SFMBT2: variants seen among roughly 807,000 people sequenced by gnomAD.
SFMBT2 encodes scm-like with four MBT domains protein 2.
A neutral mutation model predicts 110.1 loss-of-function variants in SFMBT2; 38 were observed. That is an observed-to-expected ratio of 0.35 (90% CI 0.27 to 0.45). The LOEUF (loss-of-function observed/expected upper bound fraction) is 0.45. SFMBT2 is among the 20% of genes least tolerant of loss of function. The pLI is 1.00. For missense variants in SFMBT2, 1,011 were observed against 1,094.9 expected (o/e 0.92, Z 1.08); for synonymous variants, 425 against 425.4 (o/e 1.00, Z 0.01).
At chr10:7,332,312 G>C (rs1843585356) in intron 4 of SFMBT2, among the ~76,000 whole-genome samples, 2 of 152,200 alleles carry the variant, frequency 1.3e-5, no homozygotes, top group Admixed American at 1.3e-4. Context: ...AATGAGAGAA[G>C]ACGCTACGAA....
rs571977966 is a variant in SFMBT2 at position 7,179,740 on chromosome 10, C to T, written c.1809-3575G>A. ...GACGAAGCACACACACGCGCTGCCA[C>T]ATCGGAGCGACGGATGAAGGGAGCG... is the stretch of plus-strand genomic sequence containing the variant. On this transcript the variant is annotated intron_variant, in intron 16 of 20. Coordinates refer to ENST00000397167, the MANE Select transcript of SFMBT2 (RefSeq NM_001387889.1). 5.9e-5 allele frequency among the ~76,000 whole-genome samples: 9 copies of T among 152,376 alleles called. No individual in the cohort carries two copies. In the East Asian group the frequency reaches 1.7e-3, roughly 29 times the overall value.
At chr10:7,176,260 T>C (rs765758030) in intron 16 of SFMBT2, 95 bp from the exon 17 acceptor site, 3 of 1,319,410 alleles carry the variant, frequency 2.3e-6, no homozygotes, top group South Asian at 2.6e-5. Flanking sequence ...AACTTCATTT[T>C]CCAATGACAA....
At chr10:7,190,183 C>T (rs1003843729) in intron 15 of SFMBT2, among the ~76,000 whole-genome samples, 1 of 151,950 alleles carries the variant, frequency 6.6e-6, no homozygotes, top group African/African-American at 2.4e-5. Context: ...AAGGCGGTAC[C>T]GGCAGTTTTG....
chr10:7,172,095 C>T lies in SFMBT2; in HGVS notation c.2215G>A (p.Glu739Lys), dbSNP rs1305633006. Residue 739 changes from glutamate (E) to lysine (K), a missense_variant, in exon 19 of 21, where the codon GAG becomes AAG. Coordinates refer to ENST00000397167, the MANE Select transcript of SFMBT2 (RefSeq NM_001387889.1). The surrounding 1 kb of genome is among the most constrained non-coding windows in gnomAD (Gnocchi z 4.6). ...GTGTCCGTCTGGTCATCCCGGAGCT[C>T]GGAGCCGGTCTCCTCACTGGCGGTG... Reference protein sequence around the residue: ...DDTASEETGSELRDDQTDTSS... With the variant: ...DDTASEETGSKLRDDQTDTSS... The T allele has an allele frequency of 1.9e-6, 3 of 1,604,478 alleles. No homozygotes were observed. The highest frequency in any genetic ancestry group is 2.6e-6 in the Non-Finnish European group (3 of 1,174,910).
At chr10:7,246,448 C>A (rs900732865) in intron 8 of SFMBT2, among the ~76,000 whole-genome samples, 2 of 150,202 alleles carry the variant, frequency 1.3e-5, no homozygotes, top group African/African-American at 4.8e-5. Context: ...AGGCCGGGTG[C>A]AGTGGCTCAC....
intron 1 of SFMBT2, among the ~76,000 whole-genome samples, chr10:7,404,739 A>G (rs11255118): frequency 0.048 from 7,354 of 152,326 alleles, 242 homozygotes; most frequent in Non-Finnish European, 0.072. Context: ...ATAACCTGAG[A>G]GACCCTAACC....
intron 12 of SFMBT2, chr10:7,204,350 G>A (rs772723741): frequency 1.2e-5 from 12 of 985,278 alleles, no homozygotes; most frequent in African/African-American, 1.7e-5. Flanking sequence ...AGAGTCTACA[G>A]AAGTGGCCAC....
chr10:7,220,433 C>G lies in SFMBT2; in HGVS notation c.1308G>C (p.Arg436=). Residue 436 remains arginine, a synonymous_variant, in exon 11 of 21, where the codon CGG becomes CGC. Transcript: ENST00000397167. ...CVASVVSVKG[R]LMWLHLEGLQ... ...TACCTTCCAGGTGAAGCCACATTAG[C>G]CGCCCCTTCACACTCACAACGGAGG... 1 of 1,613,866 alleles carries G rather than the reference C, an allele frequency of 6.2e-7. No homozygotes were observed. The highest frequency in any genetic ancestry group is 2.2e-5 in the East Asian group (1 of 44,880).
intron 14 of SFMBT2, among the ~76,000 whole-genome samples, chr10:7,199,569 T>C (rs1436139366): frequency 6.6e-6 from 1 of 152,256 alleles, no homozygotes; most frequent in Non-Finnish European, 1.5e-5. Context: ...GTAGCTGTCA[T>C]GGTTCTTTTA....
At chr10:7,381,730 T>C (rs892757931) in intron 2 of SFMBT2, 69 bp downstream of exon 2, 3 of 1,526,870 alleles carry the variant, frequency 2.0e-6, no homozygotes, top group East Asian at 2.3e-5. Context: ...CATTGTTTCC[T>C]GAATACTTTC....
At chr10:7,309,325 C>G (rs1842783721) in intron 4 of SFMBT2, among the ~76,000 whole-genome samples, 1 of 152,202 alleles carries the variant, frequency 6.6e-6, no homozygotes, top group African/African-American at 2.4e-5. Flanking sequence ...TTCACATAAT[C>G]CATGTCAGAG....
chr10:7,342,311 G>A (rs756383695), intron 4 of SFMBT2, among the ~76,000 whole-genome samples: 3 of 149,608 alleles, frequency 2.0e-5, no homozygotes, highest in South Asian at 2.1e-4. Context: ...AATTTGACTC[G>A]TAAACTGAAT....
chr10:7,262,798 T>C (rs1841249823), intron 7 of SFMBT2, among the ~76,000 whole-genome samples: 1 of 152,178 alleles, frequency 6.6e-6, no homozygotes, highest in Non-Finnish European at 1.5e-5. Context: ...GTGTCTCTTA[T>C]AAGATTTTCT....
intron 4 of SFMBT2, among the ~76,000 whole-genome samples, chr10:7,297,845 T>C (rs1842447119): frequency 6.6e-6 from 1 of 152,208 alleles, no homozygotes. Context: ...GGTGAAAATG[T>C]GGCCTCGACA....
At chr10:7,315,022 G>GAAAGAAAGAA (rs1842952649) in intron 4 of SFMBT2, among the ~76,000 whole-genome samples, 10 of 112,362 alleles carry the variant, frequency 8.9e-5, no homozygotes, top group African/African-American at 3.5e-4. Flanking sequence ...AAAGAAAAGA[G>GAAAGAAAGAA]AGAGAAAGAA....
Position 7,172,965 on chromosome 10 carries a change from T to C in SFMBT2, c.1985-304A>G, listed in dbSNP as rs1837936397. Among the ~76,000 whole-genome samples the C allele has an allele frequency of 6.6e-6, 1 of 152,028 alleles. No individual in the cohort carries two copies. The highest frequency in any genetic ancestry group is 2.4e-5 in the African/African-American group (1 of 41,358). On this transcript the variant is annotated intron_variant, in intron 17 of 20. Transcript: ENST00000397167. The surrounding 1 kb of genome is among the most constrained non-coding windows in gnomAD (Gnocchi z 4.6). ...GGTGGGGCCCTAATCCAATAGGACATTAATGAGGTCCTAAGAGTGTCCAGG... is the reference window on the plus strand; with the variant it reads ...GGTGGGGCCCTAATCCAATAGGACACTAATGAGGTCCTAAGAGTGTCCAGG...
intron 1 of SFMBT2, among the ~76,000 whole-genome samples, chr10:7,387,751 C>G (rs887971786): frequency 6.9e-6 from 1 of 145,040 alleles, no homozygotes; most frequent in African/African-American, 2.6e-5. Context: ...GCCAACATGG[C>G]GAAACCCTGT....
At chr10:7,361,506 C>T (rs1359816547) in intron 4 of SFMBT2, among the ~76,000 whole-genome samples, 7 of 152,178 alleles carry the variant, frequency 4.6e-5, no homozygotes. Context: ...GGCTTTAAAA[C>T]TTGGCAGGAG....
intron 20 of SFMBT2, among the ~76,000 whole-genome samples, chr10:7,167,247 T>G (rs1837718677): frequency 6.6e-6 from 1 of 152,218 alleles, no homozygotes; most frequent in South Asian, 2.1e-4. Flanking sequence ...TGTCTCTGAC[T>G]GATGAAAGCT....
Sources: gnomAD v4.1 joint callset for allele counts (sites outside exome capture counted in the v4.1 genomes callset) on GRCh38, gnomAD v4.1.1 for gene constraint, Gnocchi (gnomAD v3.1) non-coding constraint, MANE v1.5 for transcripts, NCBI Gene and HGNC (gene_info 2026-07-23, HGNC 2026-07-21) for gene names.